Variants in WDFY3 observed in about 807,000 individuals in gnomAD.
WDFY3 encodes the protein WD repeat and FYVE domain-containing protein 3.
Under a neutral mutation model 409.6 loss-of-function variants are expected in WDFY3, and 66 were observed. That is an observed-to-expected ratio of 0.16 (90% CI 0.13 to 0.20). The LOEUF is 0.20. Among genes scored for constraint, WDFY3 ranks in the 10% least tolerant of loss-of-function variants. The pLI is 1.00. For synonymous variants in WDFY3, 1,521 were observed against 1,537.1 expected (o/e 0.99, Z 0.25); for missense variants, 3,031 against 4,298.1 (o/e 0.71, Z 8.24).
At chr4:84,965,772 C>A (rs1775585238) in intron 1 of WDFY3, 1 of 145,148 alleles carries the variant, frequency 6.9e-6, no homozygotes, top group African/African-American at 2.6e-5. Flanking sequence ...GGAGCTGAGA[C>A]CCCGCAGGAT....
chr4:84,885,063 T>C (rs1764016702), intron 3 of WDFY3, among the ~76,000 whole-genome samples: 1 of 152,134 alleles, frequency 6.6e-6, no homozygotes, highest in African/African-American at 2.4e-5. Context: ...TGCAATTGCA[T>C]GATCTCAGCT....
intron 1 of WDFY3, among the ~76,000 whole-genome samples, chr4:84,946,070 T>A (rs1772787178): frequency 6.6e-6 from 1 of 152,082 alleles, no homozygotes; most frequent in African/African-American, 2.4e-5. Flanking sequence ...CCGTACACAG[T>A]GTTAATGTGA....
chr4:84,928,836 G>T (rs1241476338), intron 2 of WDFY3, among the ~76,000 whole-genome samples: 1 of 152,056 alleles, frequency 6.6e-6, no homozygotes, highest in Non-Finnish European at 1.5e-5. Flanking sequence ...GTAGCGAAGT[G>T]AAAAGTCACA....
chr4:84,823,133 T>A (rs1464123348), intron 10 of WDFY3, among the ~76,000 whole-genome samples: 1 of 152,178 alleles, frequency 6.6e-6, no homozygotes, highest in African/African-American at 2.4e-5. Flanking sequence ...AGTGTGGTAT[T>A]GGCTTAAGGA....
chr4:84,730,069 T>TAGTAAACTACC (rs1560613649), intron 44 of WDFY3, among the ~76,000 whole-genome samples: 4 of 152,152 alleles, frequency 2.6e-5, no homozygotes, highest in Non-Finnish European at 5.9e-5. Flanking sequence ...CAGAGGTGGA[T>TAGTAAACTACC]TTACTATGAA....
intron 2 of WDFY3, among the ~76,000 whole-genome samples, chr4:84,904,012 A>G (rs978807737): frequency 6.6e-6 from 1 of 152,074 alleles, no homozygotes. Context: ...TGATGGTACT[A>G]GGAGGTGGGG....
Position 84,672,592 on chromosome 4 carries a change from T to C in WDFY3, c.*276A>G, listed in dbSNP as rs1725587497. On this transcript the variant is annotated 3_prime_UTR_variant, in exon 68 of 68. Transcript: ENST00000295888. ...AGTTAATAAGTGAGGATTTTTCTCT[T>C]GGAGACAGCTACTGTCATCAGGGAG... is the stretch of plus-strand genomic sequence containing the variant. The C allele has an allele frequency of 4.0e-6, 1 of 250,738 alleles. No individual in the cohort carries two copies. The highest frequency in any genetic ancestry group is 5.2e-5 in the Admixed American group (1 of 19,084). The allele number at this position is 250,738 out of a possible 1,614,324, so 15.5% of individuals were successfully genotyped here.
intron 36 of WDFY3, 53 bp downstream of exon 36, chr4:84,751,430 T>C: frequency 6.4e-7 from 1 of 1,568,438 alleles, no homozygotes; most frequent in Non-Finnish European, 8.8e-7. Flanking sequence ...TTACTAATGT[T>C]CTAATTTAAA....
intron 1 of WDFY3, among the ~76,000 whole-genome samples, chr4:84,936,180 T>G (rs183302045): frequency 5.9e-5 from 9 of 152,294 alleles, no homozygotes; most frequent in Middle Eastern, 6.8e-3. Flanking sequence ...TCTTCTGAGT[T>G]GGTTTTCTTA....
intron 6 of WDFY3, 81 bp downstream of exon 6, chr4:84,841,073 T>C (rs1384985870): frequency 1.3e-5 from 14 of 1,092,778 alleles, no homozygotes; most frequent in Non-Finnish European, 1.2e-5. Flanking sequence ...TTGGATATAA[T>C]GATGAATTTA....
intron 1 of WDFY3, among the ~76,000 whole-genome samples, chr4:84,934,185 T>C (rs1461789013): frequency 6.6e-6 from 1 of 152,160 alleles, no homozygotes; most frequent in Non-Finnish European, 1.5e-5. Flanking sequence ...TCAGCATTTG[T>C]TATTGCCTGT....
chr4:84,954,789 A>G (rs536918055), intron 1 of WDFY3, among the ~76,000 whole-genome samples: 1 of 152,338 alleles, frequency 6.6e-6, no homozygotes, highest in East Asian at 1.9e-4. Context: ...ATAGCTGCTT[A>G]TTTAGCTGCA....
intron 1 of WDFY3, among the ~76,000 whole-genome samples, chr4:84,934,646 C>CT (rs1209315123): frequency 6.6e-6 from 1 of 152,034 alleles, no homozygotes; most frequent in Non-Finnish European, 1.5e-5. Context: ...TATAGCTTAT[C>CT]TTTTAATATA....
intron 61 of WDFY3, 50 bp downstream of exon 61, chr4:84,690,456 C>T: frequency 6.2e-7 from 1 of 1,613,230 alleles, no homozygotes; most frequent in Non-Finnish European, 8.5e-7. Context: ...AGGGTGTAGG[C>T]ACAGGAGATG....
rs1223658995 is a variant in WDFY3, at chr4:84,765,875, A to G, written c.5123T>C (p.Leu1708Pro). 3.7e-6 allele frequency: 6 copies of G among 1,613,842 alleles called. No individual in the cohort carries two copies. The South Asian group carries it at 5.5e-5, about 15-fold the overall frequency. ...CTGTTCAAGCCATCCTCCACCACTGAGTCCTTCTTTAAACTTGATGAGAAT... is the reference window on the plus strand; with the variant it reads ...CTGTTCAAGCCATCCTCCACCACTGGGTCCTTCTTTAAACTTGATGAGAAT... ...QSILIKFKEG[L>P]SGGGWLEQTD... The change falls in exon 32 of 68, where the codon CTC (leucine) becomes CCC (proline). Residue 1708 changes from leucine to proline, a missense_variant. Leu to Pro is a moderately conservative substitution (Grantham distance 98). Transcript: ENST00000295888.
At position 84,671,378 on chromosome 4, in the gene WDFY3, C is replaced by G. The variant is rs1007948178; in HGVS notation, c.*1490G>C. 6.6e-6 allele frequency: 1 copy of G among 152,358 alleles called. No homozygotes were observed. The highest frequency in any genetic ancestry group is 2.4e-5 in the African/African-American group (1 of 41,356). The allele number at this position is 152,358 out of a possible 1,614,324, so 9.4% of individuals were successfully genotyped here. The stretch of plus-strand genomic sequence containing the variant: ...GAAGGTGTGAAGGCCTATCTTGGGC[C>G]ATTAATGATTCTATATTTTTCAAAT... On this transcript the variant is annotated 3_prime_UTR_variant, in exon 68 of 68. Coordinates refer to ENST00000295888, the MANE Select transcript of WDFY3 (RefSeq NM_014991.6).
At chr4:84,845,778 G>GA (rs931587257) in intron 5 of WDFY3, among the ~76,000 whole-genome samples, 3 of 150,584 alleles carry the variant, frequency 2.0e-5, no homozygotes, top group South Asian at 2.1e-4. Context: ...AAAAATGAAA[G>GA]AAAAAAAACA....
chr4:84,940,534 C>T (rs1771973073), intron 1 of WDFY3, among the ~76,000 whole-genome samples: 2 of 152,016 alleles, frequency 1.3e-5, no homozygotes, highest in African/African-American at 2.4e-5. Context: ...CTCTCACTAC[C>T]CCTTCTTTTT....
chr4:84,815,009 T>C (rs1753077563), intron 13 of WDFY3, among the ~76,000 whole-genome samples: 1 of 152,142 alleles, frequency 6.6e-6, no homozygotes, highest in Admixed American at 6.6e-5. Flanking sequence ...GGTAGACATG[T>C]TAATAAACTT....
Sources: gnomAD v4.1 joint callset for allele counts (sites outside exome capture counted in the v4.1 genomes callset) on GRCh38, gnomAD v4.1.1 for gene constraint, MANE v1.5 for transcripts, NCBI Gene and HGNC (gene_info 2026-07-23, HGNC 2026-07-21) for gene names.